Variants in CDC20B observed in about 807,000 individuals in gnomAD.
CDC20B encodes cell division cycle 20B.
CDC20B carries 58 observed loss-of-function variants against 64.1 expected under a neutral mutation model. The ratio of observed to expected loss-of-function variants is 0.90; its 90% confidence interval spans 0.73 to 1.13. The LOEUF (loss-of-function observed/expected upper bound fraction) is 1.13, where lower values mean the gene tolerates loss of function less well. CDC20B is among the 50% of genes most tolerant of loss of function. CDC20B has a pLI of 0.00. For missense variants in CDC20B, 597 were observed against 633.0 expected, an observed-to-expected ratio of 0.94 and a Z score of 0.61; for synonymous variants, 243 against 230.6, an observed-to-expected ratio of 1.05 and a Z score of -0.49.
chr5:55,151,276 A>T (rs1298238213), intron 2 of CDC20B, among the ~76,000 whole-genome samples: 1 of 152,188 alleles, frequency 6.6e-6, no homozygotes, highest in Non-Finnish European at 1.5e-5. Context: ...AAAGTGTTCA[A>T]CTGATTCTAA....
At chr5:55,119,231 C>T (rs573635824) in intron 11 of CDC20B, among the ~76,000 whole-genome samples, 1 of 152,230 alleles carries the variant, frequency 6.6e-6, no homozygotes, top group Non-Finnish European at 1.5e-5. Flanking sequence ...TCTACTCACC[C>T]TTGAGCCCCC....
chr5:55,127,471 A>C (rs1432368413), intron 7 of CDC20B, 120 bp from the exon 8 acceptor site: 9 of 736,062 alleles, frequency 1.2e-5, no homozygotes, highest in Non-Finnish European at 1.9e-5. Flanking sequence ...GTGAAAACCC[A>C]GCACATCTAG....
intron 2 of CDC20B, among the ~76,000 whole-genome samples, chr5:55,149,345 C>T (rs1466785563): frequency 6.6e-6 from 1 of 152,176 alleles, no homozygotes; most frequent in Non-Finnish European, 1.5e-5. Flanking sequence ...AGAATTACCA[C>T]ATGACCAAGC....
At chr5:55,167,376 T>C (rs960606532) in intron 2 of CDC20B, among the ~76,000 whole-genome samples, 3 of 152,236 alleles carry the variant, frequency 2.0e-5, no homozygotes, top group African/African-American at 7.2e-5. Flanking sequence ...CGTGTACATA[T>C]ATATAATTCT....
chr5:55,164,318 C>A, intron 2 of CDC20B: 3 of 872,706 alleles, frequency 3.4e-6, no homozygotes, highest in Non-Finnish European at 4.8e-6. Context: ...CACTCTGTCA[C>A]CCAGGCTGGA....
At chr5:55,146,948 G>T in intron 2 of CDC20B, 92 bp from the exon 3 acceptor site, 2 of 643,294 alleles carry the variant, frequency 3.1e-6, no homozygotes, top group Non-Finnish European at 5.2e-6. Context: ...GACTCATCTA[G>T]TACAACACCA....
At chr5:55,121,396 T>G (rs1561285566) in intron 9 of CDC20B, among the ~76,000 whole-genome samples, 1 of 152,196 alleles carries the variant, frequency 6.6e-6, no homozygotes, top group African/African-American at 2.4e-5. Context: ...TAATATTCCA[T>G]CGTGTCGTTA....
intron 2 of CDC20B, among the ~76,000 whole-genome samples, chr5:55,148,802 G>A (rs149617089): frequency 1.3e-5 from 2 of 152,248 alleles, no homozygotes; most frequent in Non-Finnish European, 2.9e-5. Flanking sequence ...CATATGTACA[G>A]GGTTTTACAC....
intron 2 of CDC20B, chr5:55,160,174 C>A (rs1414989187): frequency 6.3e-7 from 1 of 1,597,568 alleles, no homozygotes; most frequent in Non-Finnish European, 8.6e-7. Context: ...GCTGAGACTT[C>A]CCTCTAGAAT....
intron 9 of CDC20B, among the ~76,000 whole-genome samples, chr5:55,123,139 G>GAACC (rs1191247195): frequency 6.6e-6 from 1 of 152,146 alleles, no homozygotes; most frequent in Non-Finnish European, 1.5e-5. Context: ...GGTCTCATAT[G>GAACC]GTGAATTAAT....
At chr5:55,147,104 ATATT>A (rs1218915126) in intron 2 of CDC20B, among the ~76,000 whole-genome samples, 1 of 145,560 alleles carries the variant, frequency 6.9e-6, no homozygotes, top group Non-Finnish European at 1.5e-5. Context: ...TATGTTTTAT[ATATT>A]TATATATTAT....
chr5:55,132,887 G>A (rs1018109486), intron 6 of CDC20B, among the ~76,000 whole-genome samples: 6 of 152,080 alleles, frequency 3.9e-5, no homozygotes, highest in Non-Finnish European at 7.4e-5. Flanking sequence ...AAGTTCTAAT[G>A]ATCTTCCAAG....
chr5:55,129,441 T>C (rs778236217), intron 6 of CDC20B, among the ~76,000 whole-genome samples: 19 of 152,084 alleles, frequency 1.2e-4, no homozygotes, highest in Non-Finnish European at 2.5e-4. Flanking sequence ...ACAGGCCCCA[T>C]TGATGGAGTG....
At chr5:55,125,178 G>C in intron 8 of CDC20B, 150 bp from the exon 9 acceptor site, 1 of 609,592 alleles carries the variant, frequency 1.6e-6, no homozygotes. Context: ...AATAAGGATG[G>C]AGTGTTCTGC....
chr5:55,143,501 C>G lies in CDC20B; in HGVS notation c.486+12G>C. ...TAGATGTGGGATCTTCAGTTTTTTT[C>G]TCTTTACCTACCTGCCCTTTTGAGG... On this transcript the variant is annotated intron_variant, in intron 4 of 11. Coordinates refer to ENST00000381375, the MANE Select transcript of CDC20B (RefSeq NM_001170402.1). The G allele has an allele frequency of 1.3e-6, 2 of 1,570,338 alleles. No homozygotes were observed. Among genetic ancestry groups the G allele is most frequent in the Non-Finnish European group, 1.7e-6 (2 of 1,161,840 alleles).
intron 7 of CDC20B, 33 bp from the exon 8 acceptor site, chr5:55,127,384 T>C (rs1742921249): frequency 3.8e-6 from 6 of 1,576,870 alleles, no homozygotes; most frequent in Non-Finnish European, 5.2e-6. Context: ...TTATGTAGCA[T>C]TGGAGTTTTC....
intron 2 of CDC20B, among the ~76,000 whole-genome samples, chr5:55,167,348 G>A (rs1744447388): frequency 6.6e-6 from 1 of 152,126 alleles, no homozygotes; most frequent in African/African-American, 2.4e-5. Context: ...CAATTACACT[G>A]TATCAATAGT....
rs76372728 is a variant in CDC20B, at chr5:55,126,969, T to C, written c.989+288A>G. ...CAGCAAAATATCCCTTTAGTACCTA[T>C]TACTTAGCACAGAGAAACCTTTTGC... On this transcript the variant is annotated intron_variant, in intron 8 of 11. Coordinates refer to ENST00000381375, the MANE Select transcript of CDC20B (RefSeq NM_001170402.1). 2.6e-3 allele frequency among the ~76,000 whole-genome samples: 392 copies of C among 152,288 alleles called. 2 individuals carry two copies. Among genetic ancestry groups the C allele is most frequent in the African/African-American group, 8.8e-3 (366 of 41,552 alleles).
intron 2 of CDC20B, among the ~76,000 whole-genome samples, chr5:55,161,596 C>T (rs897353397): frequency 2.6e-5 from 4 of 152,154 alleles, no homozygotes; most frequent in Non-Finnish European, 4.4e-5. Context: ...TGTCCCTTCC[C>T]GTCATTATAG....
Sources: allele counts gnomAD v4.1 joint callset (sites outside exome capture counted in the v4.1 genomes callset), GRCh38; gene constraint gnomAD v4.1.1; transcripts MANE v1.5; gene names NCBI Gene and HGNC (gene_info 2026-07-23, HGNC 2026-07-21).